SPG21: variants seen among roughly 807,000 people sequenced by gnomAD.
SPG21 encodes the protein SPG21 abhydrolase domain containing, maspardin.
In SPG21, 26 loss-of-function variants were observed where a neutral mutation model predicts 38.9. The observed-to-expected ratio is 0.67, with a 90% CI of 0.49 to 0.93. The LOEUF is 0.93. SPG21 is among the 40% of genes least tolerant of loss of function. SPG21 has a pLI of 0.00. For synonymous variants in SPG21, 136 were observed against 128.9 expected (o/e 1.05, Z -0.37); for missense variants, 333 against 376.5 (o/e 0.88, Z 0.96).
rs929810020 is a variant in SPG21, at chr15:64,980,257, C to T, written c.225+607G>A. Among the ~76,000 whole-genome samples the T allele has an allele frequency of 8.5e-5, 13 of 152,088 alleles. No homozygotes were observed. In the South Asian group the frequency reaches 1.0e-3, roughly 12 times the overall value. ...TTTCTTCATCTGTAAAGAAGGACAA[C>T]GCTTCCTACCGCTCTGAGTTGAGAG... On this transcript the variant is annotated intron_variant, in intron 3 of 8. Coordinates refer to ENST00000204566, the MANE Select transcript of SPG21 (RefSeq NM_016630.7).
chr15:64,982,247 C>T (rs2085900100), intron 2 of SPG21, among the ~76,000 whole-genome samples: 1 of 149,210 alleles, frequency 6.7e-6, no homozygotes, highest in African/African-American at 2.5e-5. Context: ...TGGGCTTAAG[C>T]AATCCTCCCA....
At chr15:64,969,413 T>A (rs2085614217) in intron 6 of SPG21, 51 bp from the exon 7 acceptor site, 2 of 1,273,778 alleles carry the variant, frequency 1.6e-6, no homozygotes, top group African/African-American at 1.5e-5. Context: ...GTTTTTCACA[T>A]TTACATTAAA....
chr15:64,973,609 G>C (rs1429916066), intron 5 of SPG21, among the ~76,000 whole-genome samples: 1 of 152,060 alleles, frequency 6.6e-6, no homozygotes, highest in Non-Finnish European at 1.5e-5. Flanking sequence ...GTGCCACCTT[G>C]CCCAGCTAAT....
intron 2 of SPG21, among the ~76,000 whole-genome samples, chr15:64,982,501 C>A (rs1305974178): frequency 1.3e-5 from 2 of 152,114 alleles, no homozygotes; most frequent in Non-Finnish European, 2.9e-5. Flanking sequence ...AGGCTGGTCT[C>A]AAACTCCTGG....
At chr15:64,968,324 A>C (rs550066968) in intron 7 of SPG21, among the ~76,000 whole-genome samples, 14 of 130,404 alleles carry the variant, frequency 1.1e-4, no homozygotes, top group Non-Finnish European at 2.1e-4. Context: ...TGGGGAACAG[A>C]GTGAGACCCT....
chr15:64,963,881 C>A lies in SPG21; in HGVS notation c.811-145G>T, dbSNP rs921251899. The A allele has an allele frequency of 1.0e-5, 7 of 671,198 alleles. No individual in the cohort carries two copies. The African/African-American group carries it at 1.2e-4, about 12-fold the overall frequency. The allele number at this position is 671,198 out of a possible 1,614,324, so 41.6% of individuals were successfully genotyped here. A position where few individuals can be genotyped will look rare whatever the true frequency, so the allele number is the denominator to read the frequency against. On this transcript the variant is annotated intron_variant, in intron 8 of 8. Transcript: ENST00000204566. ...ACCCAATTCTCCTGCCTCAGCCTCC[C>A]GAGTAGCTGGGATTACAGGTGCCCG...
chr15:64,970,556 C>T (rs1371394143), intron 5 of SPG21, among the ~76,000 whole-genome samples: 2 of 151,940 alleles, frequency 1.3e-5, no homozygotes, highest in African/African-American at 4.8e-5. Flanking sequence ...TTTTGGAAAA[C>T]TGAATATTAA....
chr15:64,968,625 G>C (rs886764654), intron 7 of SPG21, among the ~76,000 whole-genome samples: 1 of 152,010 alleles, frequency 6.6e-6, no homozygotes, highest in Non-Finnish European at 1.5e-5. Context: ...GATGGTTGCC[G>C]AACTGTGAAT....
intron 2 of SPG21, 124 bp from the exon 3 acceptor site, chr15:64,981,149 G>A: frequency 8.7e-7 from 1 of 1,143,064 alleles, no homozygotes; most frequent in Non-Finnish European, 1.3e-6. Context: ...GTAACCTGGA[G>A]CTCACACCAG....
At chr15:64,963,852 G>A (rs1280009343) in intron 8 of SPG21, 116 bp from the exon 9 acceptor site, 19 of 868,508 alleles carry the variant, frequency 2.2e-5, no homozygotes, top group Non-Finnish European at 3.3e-5. Context: ...CGCCTCCCGG[G>A]TTCACCCAAT....
chr15:64,986,950 T>A (rs750177641), intron 1 of SPG21, among the ~76,000 whole-genome samples: 2 of 152,190 alleles, frequency 1.3e-5, no homozygotes, highest in African/African-American at 4.8e-5. Context: ...AAAACATGTT[T>A]AGCAAATAAC....
intron 1 of SPG21, among the ~76,000 whole-genome samples, 192 bp from the exon 2 acceptor site, chr15:64,983,785 CTTT>C (rs764804415): frequency 2.1e-5 from 3 of 140,118 alleles, no homozygotes; most frequent in Non-Finnish European, 1.6e-5. Flanking sequence ...CAGAAGCACT[CTTT>C]TTTTTTTTTT....
At chr15:64,979,875 A>T (rs915327415) in intron 3 of SPG21, among the ~76,000 whole-genome samples, 1 of 148,688 alleles carries the variant, frequency 6.7e-6, no homozygotes, top group Non-Finnish European at 1.5e-5. Context: ...AAAATCAGTC[A>T]CCAGGAAGAG....
intron 8 of SPG21, among the ~76,000 whole-genome samples, chr15:64,964,046 G>A (rs1204481547): frequency 1.3e-5 from 2 of 151,954 alleles, no homozygotes; most frequent in African/African-American, 4.8e-5. Context: ...GTGAGCCACT[G>A]CACCCTGCCA....
At chr15:64,964,301 ATGCTCATGAGATGTTTACCCTTCCCTTC>A (rs1188871301) in intron 8 of SPG21, among the ~76,000 whole-genome samples, 1 of 152,178 alleles carries the variant, frequency 6.6e-6, no homozygotes, top group African/African-American at 2.4e-5. Context: ...TAGATGGTGC[ATGCTCATGAGATGTTTACCCTTCCCTTC>A]TGCTGCTGTG....
intron 3 of SPG21, among the ~76,000 whole-genome samples, chr15:64,978,426 T>A (rs2140435934): frequency 6.6e-6 from 1 of 151,986 alleles, no homozygotes; most frequent in African/African-American, 2.4e-5. Context: ...CTAGCCTGAG[T>A]GACAGAGTGA....
intron 5 of SPG21, among the ~76,000 whole-genome samples, chr15:64,970,670 T>G (rs1193255593): frequency 6.6e-6 from 1 of 152,238 alleles, no homozygotes; most frequent in Admixed American, 6.5e-5. Flanking sequence ...TCCCCAAATT[T>G]GCTACTATTA....
At chr15:64,964,061 CATT>C (rs775274133) in intron 8 of SPG21, among the ~76,000 whole-genome samples, 3 of 152,056 alleles carry the variant, frequency 2.0e-5, no homozygotes, top group Non-Finnish European at 4.4e-5. Context: ...CTGCCAGAAT[CATT>C]GTTTTAAATG....
chr15:64,975,428 T>TGAGGTGG (rs1435688563), intron 4 of SPG21, among the ~76,000 whole-genome samples: 1 of 150,600 alleles, frequency 6.6e-6, no homozygotes, highest in African/African-American at 2.4e-5. Flanking sequence ...CTTGGGAGGT[T>TGAGGTGG]GAGGTGGGAG....
Sources: allele counts gnomAD v4.1 joint callset (sites outside exome capture counted in the v4.1 genomes callset), GRCh38; gene constraint gnomAD v4.1.1; transcripts MANE v1.5; gene names NCBI Gene and HGNC (gene_info 2026-07-23, HGNC 2026-07-21).